PBX3: variants seen among roughly 807,000 people sequenced by gnomAD.
PBX3 encodes pre-B-cell leukemia transcription factor 3.
In PBX3, 14 loss-of-function variants were observed where a neutral mutation model predicts 48.5. The ratio of observed to expected loss-of-function variants is 0.29; its 90% CI spans 0.19 to 0.45. The LOEUF is 0.45. PBX3 is among the 20% of genes least tolerant of loss of function. The pLI is 1.00. For synonymous variants in PBX3, 210 were observed against 200.3 expected, an observed-to-expected ratio of 1.05 and a Z score of -0.41; for missense variants, 386 against 546.7, an observed-to-expected ratio of 0.71 and a Z score of 2.93.
chr9:125,793,366 A>AAATATATATAT lies in PBX3; in HGVS notation c.274+44744_274+44745insATATATATATA, dbSNP rs59271982. 5.0e-3 allele frequency among the ~76,000 whole-genome samples: 505 copies of AAATATATATAT among 101,878 alleles called. 4 individuals are homozygous for AAATATATATAT. Among genetic ancestry groups the AAATATATATAT allele is most frequent in the Non-Finnish European group, 6.4e-3 (348 of 54,644 alleles). 66.8% of individuals were successfully genotyped at this position (101,878 alleles called of 152,430 possible). A position where few individuals can be genotyped will look rare whatever the true frequency, so the allele number is the denominator to read the frequency against. On this transcript the variant is annotated intron_variant, in intron 2 of 8. Transcript: ENST00000373489. Reference sequence around the variant, plus strand: ...GACTCCATTTGGGGGGGAAAAAAAAAATATATATATATATATATATATATA... The same window carrying AAATATATATAT: ...GACTCCATTTGGGGGGGAAAAAAAAAAATATATATATATATATATATATATATATATATATA...
chr9:125,898,075 T>C (rs952638597), intron 2 of PBX3, among the ~76,000 whole-genome samples: 1 of 151,902 alleles, frequency 6.6e-6, no homozygotes, highest in African/African-American at 2.4e-5. Context: ...ATGATGGAAT[T>C]GATAAATAAT....
At chr9:125,859,055 T>C (rs1465434821) in intron 2 of PBX3, among the ~76,000 whole-genome samples, 2 of 152,128 alleles carry the variant, frequency 1.3e-5, no homozygotes, top group Admixed American at 1.3e-4. Flanking sequence ...GGCCTGTGCA[T>C]GTTTACAGGG....
intron 2 of PBX3, among the ~76,000 whole-genome samples, chr9:125,855,536 T>A (rs749108247): frequency 1.3e-5 from 2 of 152,160 alleles, no homozygotes; most frequent in Non-Finnish European, 2.9e-5. Flanking sequence ...TTAAAAAAAT[T>A]CCTTCAAATG....
intron 2 of PBX3, among the ~76,000 whole-genome samples, chr9:125,836,440 G>T (rs1839138605): frequency 6.6e-6 from 1 of 151,780 alleles, no homozygotes; most frequent in Non-Finnish European, 1.5e-5. Flanking sequence ...GCGAGACTCT[G>T]TCTCAAAAAA....
chr9:125,945,105 T>C (rs1842038986), intron 5 of PBX3, among the ~76,000 whole-genome samples: 1 of 152,052 alleles, frequency 6.6e-6, no homozygotes, highest in Non-Finnish European at 1.5e-5. Flanking sequence ...ATGCCGGTGG[T>C]TCTAGCTACT....
intron 2 of PBX3, among the ~76,000 whole-genome samples, chr9:125,882,582 A>G (rs982408896): frequency 6.6e-6 from 1 of 152,226 alleles, no homozygotes; most frequent in Non-Finnish European, 1.5e-5. Flanking sequence ...TGCATACTTC[A>G]ACAGATTTAG....
chr9:125,826,332 GTAA>G (rs2132174948), intron 2 of PBX3, among the ~76,000 whole-genome samples: 2 of 152,150 alleles, frequency 1.3e-5, no homozygotes, highest in South Asian at 4.2e-4. Flanking sequence ...AAATGATATA[GTAA>G]TAACCTTCCT....
chr9:125,747,988 G>T (rs1229181421), intron 1 of PBX3, among the ~76,000 whole-genome samples: 3 of 151,684 alleles, frequency 2.0e-5, no homozygotes, highest in Non-Finnish European at 2.9e-5. Flanking sequence ...GCCGGGAAGT[G>T]TAACTTTCTC....
chr9:125,857,709 A>G (rs1341420640), intron 2 of PBX3, among the ~76,000 whole-genome samples: 10 of 152,352 alleles, frequency 6.6e-5, no homozygotes, highest in Admixed American at 3.9e-4. Flanking sequence ...GAAAATGTTT[A>G]TTATATAGCT....
chr9:125,864,624 A>G (rs58445490), intron 2 of PBX3, among the ~76,000 whole-genome samples: 5,940 of 152,270 alleles, frequency 0.039, 407 homozygotes, highest in African/African-American at 0.13. Flanking sequence ...GGAGCGTGCA[A>G]CTTGGATCCC....
chr9:125,850,641 A>G (rs1467673926), intron 2 of PBX3, among the ~76,000 whole-genome samples: 1 of 152,064 alleles, frequency 6.6e-6, no homozygotes, highest in East Asian at 1.9e-4. Context: ...TTTAGTAAGA[A>G]TAAAGTCAGT....
At position 125,759,495 on chromosome 9, in the gene PBX3, A is replaced by G. The variant is rs574435463; in HGVS notation, c.274+10872A>G. On this transcript the variant is annotated intron_variant, in intron 2 of 8. Coordinates refer to ENST00000373489, the MANE Select transcript of PBX3 (RefSeq NM_006195.6). This position sits in a 1 kb window ranked among gnomAD's most constrained non-coding sequence, Gnocchi z 4.2. The stretch of plus-strand genomic sequence containing the variant: ...CATCCCCTACTCCTCATGCAAGCAA[A>G]AAAGGAGAAGTTGTCAATGAAAGAA... 1.3e-5 allele frequency among the ~76,000 whole-genome samples: 2 copies of G among 152,330 alleles called. No individual in the cohort carries two copies. The highest frequency in any genetic ancestry group is 4.1e-4 in the South Asian group (2 of 4,830).
intron 6 of PBX3, among the ~76,000 whole-genome samples, 183 bp downstream of exon 6, chr9:125,961,032 C>A (rs1309573493): frequency 6.6e-6 from 1 of 152,184 alleles, no homozygotes; most frequent in Non-Finnish European, 1.5e-5. Flanking sequence ...GCCTGTAAAC[C>A]CACTCTTCAC....
intron 2 of PBX3, among the ~76,000 whole-genome samples, chr9:125,891,866 G>A (rs1408735732): frequency 6.6e-6 from 1 of 152,064 alleles, no homozygotes; most frequent in Non-Finnish European, 1.5e-5. Context: ...AATTTTACCC[G>A]TATGTAAAGG....
chr9:125,892,852 T>C (rs1315308833), intron 2 of PBX3, among the ~76,000 whole-genome samples: 2 of 152,214 alleles, frequency 1.3e-5, no homozygotes, highest in Non-Finnish European at 2.9e-5. Flanking sequence ...GGCTGAATAT[T>C]TGCTTTGCAC....
rs539658506 is a variant in PBX3, at chr9:125,929,648, A to G, written c.517-7A>G. The G allele has an allele frequency of 5.6e-5, 89 of 1,586,282 alleles. 3 individuals carry two copies. In the South Asian group the frequency reaches 9.9e-4, roughly 18 times the overall value. On this transcript the variant is annotated splice_polypyrimidine_tract_variant and splice_region_variant and intron_variant, in intron 3 of 8. Coordinates refer to ENST00000373489, the MANE Select transcript of PBX3 (RefSeq NM_006195.6). ...TCCAAAGGAGTGATTTTTTTTTCCC[A>G]TTACAGGCATGTAATGAATTTACTA...
chr9:125,934,264 T>C (rs886937603), intron 4 of PBX3, among the ~76,000 whole-genome samples: 2 of 152,206 alleles, frequency 1.3e-5, no homozygotes, highest in Non-Finnish European at 2.9e-5. Context: ...ACCTGCCATA[T>C]GAATGACACC....
chr9:125,952,666 A>G (rs1396509911), intron 5 of PBX3, among the ~76,000 whole-genome samples: 1 of 152,242 alleles, frequency 6.6e-6, no homozygotes, highest in Non-Finnish European at 1.5e-5. Flanking sequence ...ATAAGAGTAC[A>G]GGAATGGGAT....
intron 2 of PBX3, among the ~76,000 whole-genome samples, chr9:125,800,217 A>G (rs576610235): frequency 3.9e-5 from 6 of 152,318 alleles, no homozygotes; most frequent in Admixed American, 1.3e-4. Flanking sequence ...TACTGAAAAG[A>G]TAAGTAAGGG....
Sources: gnomAD v4.1 joint callset for allele counts (sites outside exome capture counted in the v4.1 genomes callset) on GRCh38, gnomAD v4.1.1 for gene constraint, Gnocchi (gnomAD v3.1) non-coding constraint, MANE v1.5 for transcripts, NCBI Gene and HGNC (gene_info 2026-07-23, HGNC 2026-07-21) for gene names.